CACNA1S: variants seen among roughly 807,000 people sequenced by gnomAD.
CACNA1S encodes the protein voltage-dependent L-type calcium channel subunit alpha-1S.
Under a neutral mutation model 207.4 loss-of-function variants are expected in CACNA1S, and 126 were observed. The ratio of observed to expected loss-of-function variants is 0.61; its 90% CI spans 0.53 to 0.70. The LOEUF is 0.70. Ranked by LOEUF, CACNA1S falls within the 30% of genes least tolerant of loss-of-function variation. The pLI is 0.00. For missense variants in CACNA1S, 2,349 were observed against 2,422.8 expected (o/e 0.97, Z 0.64); for synonymous variants, 960 against 932.7 (o/e 1.03, Z -0.53).
rs1371245934 is a variant in CACNA1S at position 201,091,939 on chromosome 1, G to A, written c.541+33C>T. 4 of 1,613,586 alleles carry A rather than the reference G, an allele frequency of 2.5e-6. No individual in the cohort carries two copies. In the South Asian group the frequency reaches 4.4e-5, roughly 18 times the overall value. ...GGGACAAGGGAACAGGAAGGGAGAG[G>A]AGAAAGGGGTCTGCAGGGACACTGC... On this transcript the variant is annotated intron_variant, in intron 4 of 43. Transcript: ENST00000362061.
chr1:201,039,571 A>T lies in CACNA1S; in HGVS notation c.*260T>A, dbSNP rs886045791. The T allele has an allele frequency of 1.8e-6, 1 of 570,986 alleles. No homozygotes were observed. The highest frequency in any genetic ancestry group is 2.0e-5 in the South Asian group (1 of 49,576). The allele number at this position is 570,986 out of a possible 1,614,324, so 35.4% of individuals were successfully genotyped here. On this transcript the variant is annotated 3_prime_UTR_variant, in exon 44 of 44. Transcript: ENST00000362061. Reference sequence around the variant, plus strand: ...CTGCAGGTGGGAGTGGCCCTAGGCCAGACAGGCACTGACCAGGCCTTTTTG... The same window carrying T: ...CTGCAGGTGGGAGTGGCCCTAGGCCTGACAGGCACTGACCAGGCCTTTTTG...
chr1:201,112,155 ACC>A (rs112984935), intron 1 of CACNA1S, 31 bp downstream of exon 1: 12 of 1,439,536 alleles, frequency 8.3e-6, no homozygotes, highest in East Asian at 2.6e-5. Flanking sequence ...CATGACGCAC[ACC>A]CCCCCCCACG....
chr1:201,098,510 T>TA (rs1429552642), intron 2 of CACNA1S, among the ~76,000 whole-genome samples: 1 of 152,040 alleles, frequency 6.6e-6, no homozygotes, highest in East Asian at 1.9e-4. Flanking sequence ...GAGTAGAAAT[T>TA]AAAAACGACG....
chr1:201,049,469 T>C (rs906561183), intron 34 of CACNA1S, among the ~76,000 whole-genome samples: 1 of 120,996 alleles, frequency 8.3e-6, no homozygotes, highest in Non-Finnish European at 1.8e-5. Flanking sequence ...TCAAAGGAGG[T>C]GGAAGCCCAC....
chr1:201,040,301 G>C lies in CACNA1S; in HGVS notation c.5300C>G (p.Pro1767Arg), dbSNP rs749965662. 2.5e-6 allele frequency: 4 copies of C among 1,613,702 alleles called. No homozygotes were observed. Among genetic ancestry groups the C allele is most frequent in the Non-Finnish European group, 1.7e-6 (2 of 1,179,908 alleles). ...STPGSLHEETPHSRSTRENTS... is the reference protein window; with the variant it reads ...STPGSLHEETRHSRSTRENTS... ...ATTCTCCCTGGTGCTCCTGCTGTGG[G>C]GTGTCTCCTCATGAAGAGACCCTGG... The change falls in exon 43 of 44, where the codon CCC becomes CGC. Residue 1767 changes from proline to arginine, a missense_variant. Transcript: ENST00000362061.
At chr1:201,110,405 G>A (rs938709806) in intron 1 of CACNA1S, 136 bp from the exon 2 acceptor site, 33 of 765,948 alleles carry the variant, frequency 4.3e-5, no homozygotes, top group East Asian at 3.4e-4. Context: ...GCTCGCCCAC[G>A]CTGCTCCTTC....
chr1:201,050,622 T>A, intron 33 of CACNA1S, 106 bp from the exon 34 acceptor site: 1 of 1,334,696 alleles, frequency 7.5e-7, no homozygotes, highest in Non-Finnish European at 1.1e-6. Flanking sequence ...TCGCTTCCTG[T>A]GCCCTTGATT....
At chr1:201,098,022 A>T (rs895210987) in intron 2 of CACNA1S, among the ~76,000 whole-genome samples, 3 of 152,082 alleles carry the variant, frequency 2.0e-5, no homozygotes, top group Admixed American at 6.5e-5. Flanking sequence ...CTCACCCCCC[A>T]ACTGTCTATC....
At chr1:201,095,356 C>T (rs947685166) in intron 2 of CACNA1S, among the ~76,000 whole-genome samples, 5 of 152,132 alleles carry the variant, frequency 3.3e-5, no homozygotes, top group African/African-American at 4.8e-5. Context: ...CAGCACACTG[C>T]GGAGGCGTCA....
Position 201,040,057 on chromosome 1 carries a change from G to A in CACNA1S, c.5396C>T (p.Thr1799Ile). Residue 1799 changes from threonine (T) to isoleucine (I), a missense_variant, in exon 44 of 44, where the codon ACC (threonine) becomes ATC (isoleucine). Thr to Ile is a moderately conservative substitution (Grantham distance 89). Coordinates refer to ENST00000362061, the MANE Select transcript of CACNA1S (RefSeq NM_000069.3). Reference sequence around the variant, plus strand: ...GATGAAGTTTGCATCAGCTGCCAAGGTGCCCAGGCCCCCTCGAACCAGAGC... The same window carrying A: ...GATGAAGTTTGCATCAGCTGCCAAGATGCCCAGGCCCCCTCGAACCAGAGC... ...QKALVRGGLG[T>I]LAADANFIMA... 6.2e-7 allele frequency: 1 copy of A among 1,614,234 alleles called. No homozygotes were observed. Among genetic ancestry groups the A allele is most frequent in the African/African-American group, 1.3e-5 (1 of 75,072 alleles).
chr1:201,093,777 A>C, intron 3 of CACNA1S, 105 bp downstream of exon 3: 1 of 1,392,470 alleles, frequency 7.2e-7, no homozygotes, highest in South Asian at 1.2e-5. Flanking sequence ...TGGTTAGCAC[A>C]ATGCTGGAGT....
Position 201,084,873 on chromosome 1 carries a change from G to A in CACNA1S, c.1232+77C>T. On this transcript the variant is annotated intron_variant, in intron 9 of 43. Transcript: ENST00000362061. ...ACAAGTGACTCTGAAACCACTGAGGGGAAGTAACTGGACTCTACCCTCATG... is the reference window on the plus strand; with the variant it reads ...ACAAGTGACTCTGAAACCACTGAGGAGAAGTAACTGGACTCTACCCTCATG... The A allele has an allele frequency of 1.1e-5, 11 of 998,734 alleles. No homozygotes were observed. The South Asian group carries it at 1.4e-4, about 13-fold the overall frequency. 61.9% of individuals were successfully genotyped at this position (998,734 alleles called of 1,614,324 possible).
chr1:201,085,888 T>C (rs1662023832), intron 7 of CACNA1S, among the ~76,000 whole-genome samples: 1 of 152,178 alleles, frequency 6.6e-6, no homozygotes, highest in South Asian at 2.1e-4. Context: ...CATTAGGGGT[T>C]AATGACAAGG....
Position 201,112,330 on chromosome 1 carries a change from A to T in CACNA1S, c.10T>A (p.Ser4Thr). ...CTCAGGCCTTCATCCTGGGGTGAGG[A>T]TGGCTCCATGGCTTCCCTGGGAATC... is the stretch of plus-strand genomic sequence containing the variant. MEP[S>T]SPQDEGLRKK... Residue 4 changes from serine to threonine, a missense_variant, in exon 1 of 44, where the codon TCC becomes ACC. Coordinates refer to ENST00000362061, the MANE Select transcript of CACNA1S (RefSeq NM_000069.3). The T allele has an allele frequency of 6.2e-7, 1 of 1,612,766 alleles. No individual in the cohort carries two copies. Among genetic ancestry groups the T allele is most frequent in the Non-Finnish European group, 8.5e-7 (1 of 1,179,470 alleles).
At position 201,052,609 on chromosome 1, in the gene CACNA1S, T is replaced by A; in HGVS notation, c.3901A>T (p.Asn1301Tyr). The A allele has an allele frequency of 6.2e-7, 1 of 1,613,928 alleles. No individual in the cohort carries two copies. The highest frequency in any genetic ancestry group is 8.5e-7 in the Non-Finnish European group (1 of 1,179,978). ...AAGGTCTGGAAGTTGTTGTTCCGGTTTATTTGGGTCCCATCCACCAAGGCG... is the reference window on the plus strand; with the variant it reads ...AAGGTCTGGAAGTTGTTGTTCCGGTATATTTGGGTCCCATCCACCAAGGCG... The part of the protein sequence containing the change: ...KIALVDGTQI[N>Y]RNNNFQTFPQ... The change falls in exon 32 of 44, where the codon AAC becomes TAC. Residue 1301 changes from asparagine to tyrosine, a missense_variant. Physicochemically the swap from Asn to Tyr is moderately radical, Grantham distance 143. Transcript: ENST00000362061.
chr1:201,107,232 T>C (rs1662926615), intron 2 of CACNA1S, among the ~76,000 whole-genome samples: 1 of 152,240 alleles, frequency 6.6e-6, no homozygotes, highest in Non-Finnish European at 1.5e-5. Context: ...GTGGGGCCCT[T>C]CTGAGTGGGA....
chr1:201,084,064 A>T (rs901465923), intron 9 of CACNA1S, among the ~76,000 whole-genome samples: 3 of 152,232 alleles, frequency 2.0e-5, no homozygotes, highest in Non-Finnish European at 4.4e-5. Flanking sequence ...AGATACAAGA[A>T]GGAAAGTGAA....
intron 28 of CACNA1S, 78 bp from the exon 29 acceptor site, chr1:201,054,639 C>A: frequency 8.6e-7 from 1 of 1,167,508 alleles, no homozygotes; most frequent in South Asian, 1.3e-5. Context: ...GGTGAAGAGA[C>A]GTGTCAGAAA....
At chr1:201,103,989 GGCCCT>G (rs71872289) in intron 2 of CACNA1S, among the ~76,000 whole-genome samples, 26,665 of 152,062 alleles carry the variant, frequency 0.18, 2,426 homozygotes, top group Non-Finnish European at 0.21. Flanking sequence ...GAGCTTGCCA[GGCCCT>G]GCCCTGCCCT....
Sources: allele counts gnomAD v4.1 joint callset (sites outside exome capture counted in the v4.1 genomes callset), GRCh38; gene constraint gnomAD v4.1.1; transcripts MANE v1.5; gene names NCBI Gene and HGNC (gene_info 2026-07-23, HGNC 2026-07-21).